The following NELL2 variants were observed in gnomAD, a reference collection of about 807,000 sequenced individuals.
NELL2 encodes the protein protein kinase C-binding protein NELL2.
A neutral mutation model predicts 109.6 loss-of-function variants in NELL2; 41 were observed. That is an observed-to-expected ratio of 0.37 (90% CI 0.29 to 0.49). The LOEUF (loss-of-function observed/expected upper bound fraction) is 0.49, where lower values mean the gene tolerates loss of function less well. Among genes scored for constraint, NELL2 ranks in the 20% least tolerant of loss-of-function variants. The probability of loss-of-function intolerance (pLI) is 0.98; values close to 1 mark genes in which losing one functional copy is unlikely to be tolerated. For synonymous variants in NELL2, 355 were observed against 344.7 expected (o/e 1.03, Z -0.33); for missense variants, 900 against 1,008.3 (o/e 0.89, Z 1.45).
At chr12:44,646,301 G>C (rs1484261568) in intron 13 of NELL2, among the ~76,000 whole-genome samples, 1 of 152,158 alleles carries the variant, frequency 6.6e-6, no homozygotes. Context: ...TTAATAAGCT[G>C]CATAACCAGA....
intron 12 of NELL2, among the ~76,000 whole-genome samples, chr12:44,672,264 G>A (rs953941608): frequency 1.3e-5 from 2 of 152,214 alleles, no homozygotes; most frequent in African/African-American, 2.4e-5. Flanking sequence ...AGCAGGAAGT[G>A]AGTGGCAGGT....
chr12:44,557,617 G>A (rs910990163), intron 15 of NELL2, among the ~76,000 whole-genome samples: 5 of 152,170 alleles, frequency 3.3e-5, no homozygotes, highest in Non-Finnish European at 4.4e-5. Flanking sequence ...TTTAGACTAC[G>A]TTGAGATTTT....
At chr12:44,610,254 A>AC (rs1555185091) in intron 14 of NELL2, among the ~76,000 whole-genome samples, 93 of 147,938 alleles carry the variant, frequency 6.3e-4, no homozygotes, top group East Asian at 2.8e-3. Context: ...AAAAAAAAAA[A>AC]CAAAAAAAAA....
chr12:44,817,064 A>G (rs1943377411), intron 2 of NELL2, among the ~76,000 whole-genome samples: 1 of 152,230 alleles, frequency 6.6e-6, no homozygotes, highest in South Asian at 2.1e-4. Flanking sequence ...GTAGTTTTCA[A>G]TGGAAGAACT....
intron 1 of NELL2, among the ~76,000 whole-genome samples, chr12:44,920,167 A>G (rs1018811340): frequency 2.0e-5 from 3 of 152,226 alleles, no homozygotes; most frequent in Non-Finnish European, 4.4e-5. Context: ...ATTTTGAAAT[A>G]TAGAAATAAA....
At chr12:44,600,550 A>T (rs1945181102) in intron 15 of NELL2, among the ~76,000 whole-genome samples, 1 of 152,216 alleles carries the variant, frequency 6.6e-6, no homozygotes, top group Non-Finnish European at 1.5e-5. Context: ...TTATCTATAT[A>T]AAAAAATCAG....
intron 9 of NELL2, among the ~76,000 whole-genome samples, chr12:44,746,520 A>C (rs1016403635): frequency 3.3e-5 from 5 of 152,194 alleles, no homozygotes; most frequent in Admixed American, 1.3e-4. Context: ...CAACCTACAG[A>C]ATGGGAGAAA....
intron 2 of NELL2, among the ~76,000 whole-genome samples, chr12:44,824,961 C>G (rs910446008): frequency 6.6e-6 from 1 of 152,168 alleles, no homozygotes; most frequent in South Asian, 2.1e-4. Flanking sequence ...CCACCCATCT[C>G]GGCCTCCCAA....
At chr12:44,853,716 AAAAC>A (rs1944596241) in intron 2 of NELL2, among the ~76,000 whole-genome samples, 1 of 152,206 alleles carries the variant, frequency 6.6e-6, no homozygotes. Flanking sequence ...CTCAGAAGGA[AAAAC>A]AAACATATGA....
At chr12:44,726,903 G>A (rs942509225) in intron 9 of NELL2, among the ~76,000 whole-genome samples, 6 of 150,234 alleles carry the variant, frequency 4.0e-5, no homozygotes, top group Admixed American at 2.6e-4. Context: ...ACATGAACAG[G>A]GTTGAAAACA....
At chr12:44,900,718 G>T (rs1945649965) in intron 1 of NELL2, among the ~76,000 whole-genome samples, 1 of 152,054 alleles carries the variant, frequency 6.6e-6, no homozygotes, top group Non-Finnish European at 1.5e-5. Flanking sequence ...AGAAGCAAGA[G>T]AAAACAAATT....
chr12:44,872,381 A>C (rs1426702414), intron 2 of NELL2, among the ~76,000 whole-genome samples: 1 of 152,154 alleles, frequency 6.6e-6, no homozygotes, highest in African/African-American at 2.4e-5. Context: ...CTATAAATCA[A>C]ATTTCAACAA....
At chr12:44,664,289 T>C (rs988226846) in intron 13 of NELL2, among the ~76,000 whole-genome samples, 3 of 152,100 alleles carry the variant, frequency 2.0e-5, no homozygotes, top group Non-Finnish European at 2.9e-5. Context: ...ACAAAAAAGA[T>C]AGGAATTTGT....
chr12:44,877,990 T>G (rs528685136), upstream of NELL2, among the ~76,000 whole-genome samples: 59 of 152,336 alleles, frequency 3.9e-4, no homozygotes, highest in African/African-American at 1.2e-3. Context: ...AATAAGTATC[T>G]ACAGAAGCTA....
chr12:44,634,413 A>G (rs1476041904), intron 13 of NELL2, among the ~76,000 whole-genome samples: 5 of 151,840 alleles, frequency 3.3e-5, no homozygotes, highest in Admixed American at 6.6e-5. Context: ...ATTAGTGAGA[A>G]CATGTGGTGT....
chr12:44,840,578 A>G (rs1360562351), intron 2 of NELL2, among the ~76,000 whole-genome samples: 1 of 151,918 alleles, frequency 6.6e-6, no homozygotes, highest in Non-Finnish European at 1.5e-5. Flanking sequence ...CGGAGCTTGC[A>G]GTGAGCAGAG....
At chr12:44,742,672 C>G (rs1045359297) in intron 9 of NELL2, among the ~76,000 whole-genome samples, 1 of 151,838 alleles carries the variant, frequency 6.6e-6, no homozygotes, top group Non-Finnish European at 1.5e-5. Flanking sequence ...CCTCAGTAGC[C>G]GATGCGATCA....
At chr12:44,728,853 A>G (rs1441535821) in intron 9 of NELL2, among the ~76,000 whole-genome samples, 1 of 152,146 alleles carries the variant, frequency 6.6e-6, no homozygotes, top group Non-Finnish European at 1.5e-5. Flanking sequence ...AGAAAAATCC[A>G]CCAACCAAGA....
chr12:44,875,472 G>A (rs778001048), intron 1 of NELL2, 119 bp from the exon 2 acceptor site: 5 of 1,613,930 alleles, frequency 3.1e-6, no homozygotes, highest in Non-Finnish European at 4.2e-6. Context: ...CTGAAGATGA[G>A]AGGCGACTGC....
Sources: gnomAD v4.1 joint callset for allele counts (sites outside exome capture counted in the v4.1 genomes callset) on GRCh38, gnomAD v4.1.1 for gene constraint, MANE v1.5 for transcripts, NCBI Gene and HGNC (gene_info 2026-07-23, HGNC 2026-07-21) for gene names.